The following MED1 variants were observed in gnomAD, a reference collection of about 807,000 sequenced individuals.
MED1 encodes the protein mediator complex subunit 1.
Under a neutral mutation model 121.3 loss-of-function variants are expected in MED1, and 17 were observed. That is an observed-to-expected ratio of 0.14 (90% confidence interval 0.10 to 0.21). MED1 has a LOEUF of 0.21. Among genes scored for constraint, MED1 ranks in the 10% least tolerant of loss-of-function variants. The pLI, the probability that MED1 is intolerant of heterozygous loss-of-function variation, is 1.00. For synonymous variants in MED1, 661 were observed against 694.4 expected (o/e 0.95, Z 0.76); for missense variants, 1,558 against 1,919.4 (o/e 0.81, Z 3.52).
intron 2 of MED1, among the ~76,000 whole-genome samples, chr17:39,446,781 A>T (rs1279138637): frequency 6.6e-6 from 1 of 151,780 alleles, no homozygotes; most frequent in East Asian, 1.9e-4. Flanking sequence ...TCAAAGAAAA[A>T]AAAAAAAAAA....
intron 2 of MED1, 84 bp from the exon 3 acceptor site, chr17:39,443,712 A>T: frequency 9.2e-7 from 1 of 1,083,704 alleles, no homozygotes; most frequent in Non-Finnish European, 1.4e-6. Flanking sequence ...TCCTAGTAGT[A>T]ATATTGCAGG....
At chr17:39,429,920 T>TA (rs1323788714) in intron 9 of MED1, among the ~76,000 whole-genome samples, 1 of 151,672 alleles carries the variant, frequency 6.6e-6, no homozygotes, top group Non-Finnish European at 1.5e-5. Context: ...CATGTCTCTA[T>TA]AAAACAACAA....
chr17:39,444,293 G>A (rs528636253), intron 2 of MED1, among the ~76,000 whole-genome samples: 2 of 152,066 alleles, frequency 1.3e-5, no homozygotes. Context: ...TGGATCACGA[G>A]GTCAAGAGAC....
At chr17:39,412,561 CAG>C (rs1395330676) in intron 16 of MED1, among the ~76,000 whole-genome samples, 25 of 133,788 alleles carry the variant, frequency 1.9e-4, no homozygotes, top group Non-Finnish European at 3.1e-4. Flanking sequence ...TTCTTTGAGA[CAG>C]AGTCTCGCTC....
At chr17:39,415,814 CAAAAAA>C in intron 14 of MED1, among the ~76,000 whole-genome samples, 1 of 40,636 alleles carries the variant, frequency 2.5e-5, no homozygotes, top group Non-Finnish European at 4.2e-5. Context: ...GACTCCATCT[CAAAAAA>C]AAAAAAAAAA....
Position 39,405,187 on chromosome 17 carries a change from T to C in MED1, c.*2288A>G. ...AGTGCTCCCTGGTTCTCAGGCAGGG[T>C]GAAGCAGTTTAGCCCCGGCTCCCTG... is the stretch of plus-strand genomic sequence containing the variant. On this transcript the variant is annotated 3_prime_UTR_variant, in exon 17 of 17. Coordinates refer to ENST00000300651, the MANE Select transcript of MED1 (RefSeq NM_004774.4). The C allele has an allele frequency of 6.5e-7, 1 of 1,538,294 alleles. No individual in the cohort carries two copies. Among genetic ancestry groups the C allele is most frequent in the Non-Finnish European group, 8.8e-7 (1 of 1,138,952 alleles).
chr17:39,437,939 A>AAAAAAT (rs1236794507), intron 6 of MED1, among the ~76,000 whole-genome samples: 2 of 152,196 alleles, frequency 1.3e-5, no homozygotes, highest in East Asian at 1.9e-4. Context: ...CGTCTCACCA[A>AAAAAAT]AAAAATAAAA....
At chr17:39,445,026 A>G (rs946002054) in intron 2 of MED1, among the ~76,000 whole-genome samples, 4 of 152,142 alleles carry the variant, frequency 2.6e-5, no homozygotes, top group East Asian at 3.8e-4. Flanking sequence ...CCATGTTGCA[A>G]ATAAATCTAT....
intron 16 of MED1, among the ~76,000 whole-genome samples, chr17:39,414,101 C>T (rs1177605949): frequency 6.6e-6 from 1 of 151,352 alleles, no homozygotes; most frequent in Non-Finnish European, 1.5e-5. Flanking sequence ...GTAGCACATG[C>T]CTGTAATCCT....
At chr17:39,423,929 C>T (rs1172043486) in intron 11 of MED1, 108 bp from the exon 12 acceptor site, 1 of 1,295,046 alleles carries the variant, frequency 7.7e-7, no homozygotes, top group East Asian at 2.7e-5. Flanking sequence ...AATGCCCAGG[C>T]TAGAGTGCAA....
At chr17:39,444,098 T>C (rs1374458886) in intron 2 of MED1, among the ~76,000 whole-genome samples, 3 of 152,148 alleles carry the variant, frequency 2.0e-5, no homozygotes, top group Non-Finnish European at 2.9e-5. Context: ...TGCTAAGATA[T>C]AAACAGTTAA....
At chr17:39,439,526 AT>A (rs751028766) in intron 5 of MED1, among the ~76,000 whole-genome samples, 28 of 152,182 alleles carry the variant, frequency 1.8e-4, no homozygotes, top group Non-Finnish European at 3.4e-4. Context: ...CTATTACATA[AT>A]TTTTCAGATC....
Position 39,440,475 on chromosome 17 carries a change from T to C in MED1, c.310A>G (p.Thr104Ala). The C allele has an allele frequency of 6.2e-7, 1 of 1,605,418 alleles. No individual in the cohort carries two copies. Among genetic ancestry groups the C allele is most frequent in the Non-Finnish European group, 8.5e-7 (1 of 1,178,120 alleles). Residue 104 changes from threonine to alanine, a missense_variant, in exon 5 of 17, where the codon ACG (threonine) becomes GCG (alanine). Coordinates refer to ENST00000300651, the MANE Select transcript of MED1 (RefSeq NM_004774.4). The surrounding 1 kb of genome is among the most constrained non-coding windows in gnomAD (Gnocchi z 4.1). ...LSASGTECYI[T>A]SDMFYVEVQL... Reference sequence around the variant, plus strand: ...ACTTCCACATAGAACATATCTGACGTGATGTAACATTCAGTGCCACTGGCA... The same window carrying C: ...ACTTCCACATAGAACATATCTGACGCGATGTAACATTCAGTGCCACTGGCA...
chr17:39,431,323 G>A (rs1281827801), intron 8 of MED1, 135 bp from the exon 9 acceptor site: 2 of 663,950 alleles, frequency 3.0e-6, no homozygotes, highest in South Asian at 1.9e-5. Flanking sequence ...TGTCGCCCAG[G>A]CTGAAGTGCA....
At chr17:39,421,903 C>T (rs11870713) in intron 13 of MED1, among the ~76,000 whole-genome samples, 93,668 of 151,298 alleles carry the variant, frequency 0.62, 32,106 homozygotes, top group South Asian at 0.89. Flanking sequence ...CCGAGGCGGG[C>T]GGATCACGAG....
Position 39,449,870 on chromosome 17 carries a change from A to T in MED1, c.25+1168T>A, listed in dbSNP as rs570129942. On this transcript the variant is annotated intron_variant, in intron 1 of 16. Transcript: ENST00000300651. ...GCTCTTGTAGCCCAGGTAGGAATGCAATGGCGCAGTCTTGGCTCACCACAA... is the reference window on the plus strand; with the variant it reads ...GCTCTTGTAGCCCAGGTAGGAATGCTATGGCGCAGTCTTGGCTCACCACAA... 5.0e-5 allele frequency among the ~76,000 whole-genome samples: 7 copies of T among 139,524 alleles called. No individual in the cohort carries two copies. In the South Asian group the frequency reaches 1.6e-3, roughly 31 times the overall value. The allele number at this position is 139,524 out of a possible 152,430, so 91.5% of individuals were successfully genotyped here.
intron 14 of MED1, 109 bp downstream of exon 14, chr17:39,419,608 A>C: frequency 8.6e-7 from 1 of 1,161,560 alleles, no homozygotes; most frequent in Non-Finnish European, 1.2e-6. Context: ...ATGAAAAAAA[A>C]AAAACTTTTT....
At position 39,440,102 on chromosome 17, in the gene MED1, AAG is replaced by A. The variant is rs2048661363; in HGVS notation, c.399+282_399+283del. 1.3e-5 allele frequency among the ~76,000 whole-genome samples: 2 copies of A among 151,884 alleles called. No individual in the cohort carries two copies. Among genetic ancestry groups the A allele is most frequent in the East Asian group, 3.9e-4 (2 of 5,190 alleles). On this transcript the variant is annotated intron_variant, in intron 5 of 16. Transcript: ENST00000300651. This position sits in a 1 kb window ranked among gnomAD's most constrained non-coding sequence, Gnocchi z 4.1. Reference sequence around the variant, plus strand: ...CAAGCAAGCAAGCAAGAAAGAAAGAAAGAAAAAAGAAAGAAAAGAAAGAAAGG... The same window carrying A: ...CAAGCAAGCAAGCAAGAAAGAAAGAAAAAAAAGAAAGAAAAGAAAGAAAGG...
intron 6 of MED1, among the ~76,000 whole-genome samples, chr17:39,434,683 GA>G (rs971226534): frequency 1.3e-5 from 2 of 151,854 alleles, no homozygotes; most frequent in African/African-American, 4.8e-5. Context: ...TTTTTTTGTA[GA>G]GACGGGGTTT....
Sources: allele counts gnomAD v4.1 joint callset (sites outside exome capture counted in the v4.1 genomes callset), GRCh38; gene constraint gnomAD v4.1.1; non-coding constraint Gnocchi (gnomAD v3.1); transcripts MANE v1.5; gene names NCBI Gene and HGNC (gene_info 2026-07-23, HGNC 2026-07-21).